Variants in CDKL5 observed in about 807,000 individuals in gnomAD.
CDKL5 encodes cyclin-dependent kinase-like 5.
CDKL5 carries 8 observed loss-of-function variants against 61.7 expected under a neutral mutation model. That is an observed-to-expected ratio of 0.13 (90% CI 0.08 to 0.23). The LOEUF (loss-of-function observed/expected upper bound fraction) is 0.23, where lower values mean the gene tolerates loss of function less well. Ranked by LOEUF, CDKL5 falls within the 10% of genes least tolerant of loss-of-function variation. CDKL5 has a pLI of 1.00. For missense variants in CDKL5, 440 were observed against 734.5 expected, an observed-to-expected ratio of 0.60 and a Z score of 4.63; for synonymous variants, 275 against 272.3, an observed-to-expected ratio of 1.01 and a Z score of -0.10.
At position 18,613,192 on chromosome X, in the gene CDKL5, T is replaced by C. The variant is rs1926617177; in HGVS notation, c.2193T>C (p.Asn731=). ...CAGACAATTCTTTCCATGAAAATAA[T>C]GTGTCAACTAGAGTTTCTTCTCTAC... The part of the protein sequence containing the change: ...PRPDNSFHEN[N]VSTRVSSLPS... The change falls in exon 15 of 18, where the codon AAT becomes AAC. Residue 731 remains asparagine, a synonymous_variant. Transcript: ENST00000623535. 7.5e-6 allele frequency: 9 copies of C among 1,198,022 alleles called. No homozygotes were observed. In the East Asian group the frequency reaches 2.7e-4, roughly 36 times the overall value.
intron 1 of CDKL5, among the ~76,000 whole-genome samples, chrX:18,450,323 A>G (rs770171167): frequency 5.3e-4 from 60 of 112,314 alleles, no homozygotes; most frequent in African/African-American, 1.7e-3. Context: ...ACTAAATAAC[A>G]TAGGTGAAGT....
intron 3 of CDKL5, among the ~76,000 whole-genome samples, chrX:18,519,321 T>C (rs192119840): frequency 8.9e-6 from 1 of 112,251 alleles, no homozygotes; most frequent in East Asian, 2.8e-4. Context: ...ATATTTATTA[T>C]CTGACTTTGT....
chrX:18,634,379 A>G lies in CDKL5; in HGVS notation c.*5622A>G. ...CTTATCAGAAGAAACCCAGGAATAG[A>G]AAAGGTAGATGCCTTGACTTTTGTC... On this transcript the variant is annotated 3_prime_UTR_variant, in exon 18 of 18. Coordinates refer to ENST00000623535, the MANE Select transcript of CDKL5 (RefSeq NM_001323289.2). 2 of 754,416 alleles carry G rather than the reference A, an allele frequency of 2.7e-6. No individual in the cohort carries two copies. The highest frequency in any genetic ancestry group is 3.1e-6 in the Non-Finnish European group (2 of 639,301). The allele number at this position is 754,416 out of a possible 1,213,427, so 62.2% of individuals were successfully genotyped here. A position where few individuals can be genotyped will look rare whatever the true frequency, so the allele number is the denominator to read the frequency against.
chrX:18,653,607 A>G, exon 22 of CDKL5: 3 of 1,134,637 alleles, frequency 2.6e-6, no homozygotes, highest in Non-Finnish European at 3.6e-6. Context: ...AGAACCAATT[A>G]ACACCAATGA....
chrX:18,645,748 T>G (rs1488680029), intron 19 of CDKL5, among the ~76,000 whole-genome samples: 1 of 111,104 alleles, frequency 9.0e-6, no homozygotes, highest in East Asian at 2.8e-4. Flanking sequence ...ACTTAAAATA[T>G]TTATCCGGCA....
chrX:18,631,430 A>G lies in CDKL5; in HGVS notation c.*2673A>G, dbSNP rs917097215. ...ATTCTCTTCCTGCTCACGGAGGGGG[A>G]TGCAAAAGTTTTCTCTCACACCTAA... On this transcript the variant is annotated 3_prime_UTR_variant, in exon 18 of 18. Coordinates refer to ENST00000623535, the MANE Select transcript of CDKL5 (RefSeq NM_001323289.2). The G allele has an allele frequency of 4.0e-6, 3 of 752,108 alleles. No homozygotes were observed. Among genetic ancestry groups the G allele is most frequent in the Non-Finnish European group, 4.7e-6 (3 of 638,659 alleles). The allele number at this position is 752,108 out of a possible 1,213,427, so 62.0% of individuals were successfully genotyped here. A position where few individuals can be genotyped will look rare whatever the true frequency, so the allele number is the denominator to read the frequency against.
At chrX:18,598,737 T>C in intron 11 of CDKL5, 124 bp downstream of exon 11, 2 of 664,881 alleles carry the variant, frequency 3.0e-6, no homozygotes, top group Non-Finnish European at 4.8e-6. Flanking sequence ...AAAAATATCT[T>C]CCTTATGCTT....
intron 1 of CDKL5, among the ~76,000 whole-genome samples, chrX:18,482,542 G>A (rs1364697210): frequency 1.8e-5 from 2 of 111,029 alleles, no homozygotes; most frequent in African/African-American, 6.6e-5. Context: ...TTTCTGTGAT[G>A]TCTTTCATGA....
intron 3 of CDKL5, among the ~76,000 whole-genome samples, chrX:18,552,380 A>G (rs1234468647): frequency 8.9e-6 from 1 of 112,212 alleles, no homozygotes; most frequent in Non-Finnish European, 1.9e-5. Context: ...AAAAAGTGTT[A>G]GGCTATGGTA....
At chrX:18,552,637 C>T (rs1365176813) in intron 3 of CDKL5, among the ~76,000 whole-genome samples, 14 of 111,748 alleles carry the variant, frequency 1.3e-4, no homozygotes, top group Non-Finnish European at 2.4e-4. Flanking sequence ...AGAAGAGGCG[C>T]TTGCTGAGAG....
At chrX:18,566,547 T>C (rs1924975695) in intron 4 of CDKL5, among the ~76,000 whole-genome samples, 1 of 112,416 alleles carries the variant, frequency 8.9e-6, no homozygotes, top group Non-Finnish European at 1.9e-5. Flanking sequence ...TTTTTACCTG[T>C]GTTAATGATA....
chrX:18,647,164 G>T lies in CDKL5; in HGVS notation c.2797+1074G>T, dbSNP rs761278303. ...GGCCTATTTTTTTTTAAAAGCACATGAAAAAAAATCCCCGGGCCCTGCTTA... is the reference window on the plus strand; with the variant it reads ...GGCCTATTTTTTTTTAAAAGCACATTAAAAAAAATCCCCGGGCCCTGCTTA... On this transcript the variant is annotated intron_variant, in intron 20 of 21. Transcript: ENST00000379989. 12 of 1,204,870 alleles carry T rather than the reference G, an allele frequency of 1.0e-5. No homozygotes were observed. The Admixed American group carries it at 2.4e-4, about 24-fold the overall frequency.
downstream of CDKL5, among the ~76,000 whole-genome samples, chrX:18,642,397 A>G (rs991877343): frequency 3.6e-5 from 4 of 111,775 alleles, no homozygotes; most frequent in Admixed American, 2.8e-4. Context: ...TTTACACTTC[A>G]ATTAATTAAA....
At chrX:18,544,289 A>G (rs745898566) in intron 3 of CDKL5, among the ~76,000 whole-genome samples, 1 of 112,098 alleles carries the variant, frequency 8.9e-6, no homozygotes, top group East Asian at 2.8e-4. Flanking sequence ...CAGGGATACA[A>G]CCCCATGATC....
intron 1 of CDKL5, among the ~76,000 whole-genome samples, chrX:18,471,832 C>G (rs916397887): frequency 1.8e-5 from 2 of 111,463 alleles, no homozygotes; most frequent in African/African-American, 6.5e-5. Context: ...CAGCTCTTCC[C>G]GGGTTGAAGC....
At chrX:18,532,729 C>T (rs888129279) in intron 3 of CDKL5, among the ~76,000 whole-genome samples, 6 of 111,133 alleles carry the variant, frequency 5.4e-5, no homozygotes, top group African/African-American at 2.0e-4. Context: ...ACTTTAAAGC[C>T]TTATAATTTG....
At chrX:18,621,382 T>C (rs985833481) in intron 16 of CDKL5, among the ~76,000 whole-genome samples, 1 of 112,176 alleles carries the variant, frequency 8.9e-6, no homozygotes, top group African/African-American at 3.2e-5. Context: ...TAAATTTATG[T>C]ATTTCCTTAT....
chrX:18,561,841 A>G lies in CDKL5; in HGVS notation c.100-2636A>G, dbSNP rs183100080. ...AGTGAATAAAGATTTAAGGAAAGAA[A>G]TAATTAAAATATCAAGATACATAAA... is the stretch of plus-strand genomic sequence containing the variant. On this transcript the variant is annotated intron_variant, in intron 3 of 17. Transcript: ENST00000623535. Among the ~76,000 whole-genome samples the G allele has an allele frequency of 2.6e-3, 289 of 112,154 alleles. 1 individual carries two copies. Among genetic ancestry groups the G allele is most frequent in the African/African-American group, 8.8e-3 (273 of 31,000 alleles).
At chrX:18,551,674 C>G (rs946302720) in intron 3 of CDKL5, among the ~76,000 whole-genome samples, 2 of 105,554 alleles carry the variant, frequency 1.9e-5, no homozygotes, top group Non-Finnish European at 3.9e-5. Flanking sequence ...CAGCCTCAAC[C>G]TTCCTGGCCC....
Sources: gnomAD v4.1 joint callset for allele counts (sites outside exome capture counted in the v4.1 genomes callset) on GRCh38, gnomAD v4.1.1 for gene constraint, MANE v1.5 for transcripts, NCBI Gene and HGNC (gene_info 2026-07-23, HGNC 2026-07-21) for gene names.